Variants in C19orf47 observed in about 807,000 individuals in gnomAD.
C19orf47 encodes chromosome 19 open reading frame 47.
C19orf47 carries 18 observed loss-of-function variants against 32.3 expected under a neutral mutation model. That is an observed-to-expected ratio of 0.56 (90% confidence interval 0.39 to 0.83). The LOEUF (loss-of-function observed/expected upper bound fraction) is 0.83. Ranked by LOEUF, C19orf47 falls within the 40% of genes least tolerant of loss-of-function variation. The pLI is 0.00. For synonymous variants in C19orf47, 202 were observed against 211.1 expected, an observed-to-expected ratio of 0.96 and a Z score of 0.37; for missense variants, 484 against 531.6, an observed-to-expected ratio of 0.91 and a Z score of 0.88.
chr19:40,306,849 T>C, the C19orf47 span, among the ~76,000 whole-genome samples: 1 of 146,072 alleles, frequency 6.8e-6, no homozygotes, highest in South Asian at 2.2e-4. Flanking sequence ...AGTGCAGTGG[T>C]GCGATCTCGG....
intron 4 of C19orf47, among the ~76,000 whole-genome samples, chr19:40,335,587 T>C (rs1021140646): frequency 8.6e-5 from 13 of 151,300 alleles, no homozygotes; most frequent in African/African-American, 3.2e-4. Context: ...CTCAAAAAAA[T>C]ATATACAACC....
chr19:40,333,982 C>T, intron 4 of C19orf47, 53 bp from the exon 5 acceptor site: 1 of 1,400,098 alleles, frequency 7.1e-7, no homozygotes, highest in South Asian at 1.3e-5. Flanking sequence ...ATGCATCAAC[C>T]TAGAGATCTA....
the C19orf47 span, among the ~76,000 whole-genome samples, chr19:40,306,446 A>G: frequency 6.6e-6 from 1 of 151,550 alleles, no homozygotes; most frequent in African/African-American, 2.4e-5. Flanking sequence ...TCTGCTGCCC[A>G]GGCTGGAGCG....
intron 2 of C19orf47, among the ~76,000 whole-genome samples, chr19:40,337,266 G>A (rs561519624): frequency 1.3e-5 from 2 of 148,772 alleles, no homozygotes; most frequent in South Asian, 2.2e-4. Context: ...TGACCCAGAG[G>A]ACATCCTCAA....
the C19orf47 span, among the ~76,000 whole-genome samples, chr19:40,300,780 G>A: frequency 1.3e-5 from 2 of 152,080 alleles, no homozygotes; most frequent in African/African-American, 4.8e-5. Flanking sequence ...TGGAATAGAA[G>A]GTCCTAATAA....
chr19:40,315,503 G>A (rs1322808033), downstream of C19orf47, among the ~76,000 whole-genome samples: 2 of 152,030 alleles, frequency 1.3e-5, no homozygotes, highest in Admixed American at 6.6e-5. Context: ...ACAACTGGCC[G>A]GGCATGGTGG....
At chr19:40,344,569 C>T (rs2078237325) in intron 1 of C19orf47, among the ~76,000 whole-genome samples, 1 of 152,172 alleles carries the variant, frequency 6.6e-6, no homozygotes, top group East Asian at 1.9e-4. Flanking sequence ...GAACATCTCA[C>T]AAACCAAGCA....
At chr19:40,293,415 G>A in the C19orf47 span, among the ~76,000 whole-genome samples, 2 of 151,778 alleles carry the variant, frequency 1.3e-5, no homozygotes, top group Non-Finnish European at 2.9e-5. Flanking sequence ...CAAAGTGCTG[G>A]GATTACAGGC....
chr19:40,332,355 G>T (rs754890927), intron 5 of C19orf47, among the ~76,000 whole-genome samples: 8 of 148,570 alleles, frequency 5.4e-5, no homozygotes, highest in Non-Finnish European at 1.2e-4. Flanking sequence ...ACTATCTCAA[G>T]GGAAAAAAAA....
intron 5 of C19orf47, among the ~76,000 whole-genome samples, chr19:40,330,188 T>C (rs2077919504): frequency 6.6e-6 from 1 of 152,104 alleles, no homozygotes; most frequent in Non-Finnish European, 1.5e-5. Context: ...CTGTTTCCCC[T>C]TCTCTTTTTA....
chr19:40,337,599 T>C (rs2078090833), intron 2 of C19orf47, among the ~76,000 whole-genome samples: 1 of 152,176 alleles, frequency 6.6e-6, no homozygotes, highest in Non-Finnish European at 1.5e-5. Context: ...CATCCAATAA[T>C]CCATGCTATT....
At chr19:40,337,752 AG>A (rs2145592899) in intron 2 of C19orf47, among the ~76,000 whole-genome samples, 1 of 152,274 alleles carries the variant, frequency 6.6e-6, no homozygotes, top group Admixed American at 6.5e-5. Context: ...ATCTCCAAGA[AG>A]GCCCCTGCCC....
At chr19:40,303,588 T>C in the C19orf47 span, among the ~76,000 whole-genome samples, 1 of 146,750 alleles carries the variant, frequency 6.8e-6, no homozygotes, top group East Asian at 2.0e-4. Flanking sequence ...GGCAGGTGGA[T>C]CACAAGGTCA....
At chr19:40,330,421 T>A (rs565339686) in intron 5 of C19orf47, among the ~76,000 whole-genome samples, 1 of 151,736 alleles carries the variant, frequency 6.6e-6, no homozygotes, top group African/African-American at 2.4e-5. Flanking sequence ...TTAGTAGAGA[T>A]GGGGTTTCAC....
At chr19:40,306,398 CTT>C in the C19orf47 span, among the ~76,000 whole-genome samples, 3 of 151,638 alleles carry the variant, frequency 2.0e-5, no homozygotes, top group Admixed American at 6.6e-5. Flanking sequence ...CCTTTGTACT[CTT>C]GTTACTTTTT....
chr19:40,312,566 A>G, the C19orf47 span, among the ~76,000 whole-genome samples: 2 of 151,802 alleles, frequency 1.3e-5, no homozygotes, highest in Non-Finnish European at 2.9e-5. Flanking sequence ...AGAAAAGGCC[A>G]TACAGTTTCC....
At chr19:40,294,274 C>G in the C19orf47 span, among the ~76,000 whole-genome samples, 1 of 152,206 alleles carries the variant, frequency 6.6e-6, no homozygotes, top group East Asian at 1.9e-4. Context: ...TTTCCTACCA[C>G]ATTAGCCCCC....
intron 2 of C19orf47, among the ~76,000 whole-genome samples, chr19:40,336,921 C>A (rs1600204433): frequency 6.6e-6 from 1 of 152,178 alleles, no homozygotes; most frequent in Non-Finnish European, 1.5e-5. Flanking sequence ...CAATAGCAAA[C>A]CTCCCTCAGA....
At chr19:40,346,465 AT>A (rs2078283832) in intron 1 of C19orf47, among the ~76,000 whole-genome samples, 1 of 146,404 alleles carries the variant, frequency 6.8e-6, no homozygotes, top group African/African-American at 2.5e-5. Flanking sequence ...AAATAAATAA[AT>A]AAATAAATAA....
Sources: allele counts gnomAD v4.1 joint callset (sites outside exome capture counted in the v4.1 genomes callset), GRCh38; gene constraint gnomAD v4.1.1; transcripts MANE v1.5; gene names NCBI Gene and HGNC (gene_info 2026-07-23, HGNC 2026-07-21).